Variants in NRG4 observed in about 807,000 individuals in gnomAD.
The protein encoded by NRG4 is pro-neuregulin-4, membrane-bound isoform.
NRG4 carries 10 observed loss-of-function variants against 15.0 expected under a neutral mutation model. The observed-to-expected ratio is 0.67, with a 90% CI of 0.41 to 1.13. The LOEUF (loss-of-function observed/expected upper bound fraction) is 1.13, where lower values mean the gene tolerates loss of function less well. NRG4 is among the 50% of genes most tolerant of loss of function. NRG4 has a pLI of 0.00. For synonymous variants in NRG4, 41 were observed against 50.1 expected, an observed-to-expected ratio of 0.82 and a Z score of 0.77; for missense variants, 139 against 140.2, an observed-to-expected ratio of 0.99 and a Z score of 0.04.
upstream of NRG4, among the ~76,000 whole-genome samples, chr15:76,014,090 C>A (rs1018686234): frequency 9.9e-5 from 15 of 152,094 alleles, no homozygotes; most frequent in African/African-American, 3.4e-4. Context: ...TCTCTAATGA[C>A]CAGTGATGAT....
At chr15:76,008,835 T>A (rs903066834) in intron 3 of NRG4, among the ~76,000 whole-genome samples, 6 of 152,154 alleles carry the variant, frequency 3.9e-5, no homozygotes, top group Admixed American at 3.9e-4. Flanking sequence ...ATAAAATATA[T>A]CATATTAGGT....
chr15:76,055,144 G>A (rs1021917834), intron 2 of NRG4, among the ~76,000 whole-genome samples: 1 of 152,076 alleles, frequency 6.6e-6, no homozygotes, highest in Non-Finnish European at 1.5e-5. Context: ...TTAGCAAGGC[G>A]TGGTGCTGGG....
intron 5 of NRG4, among the ~76,000 whole-genome samples, chr15:76,028,309 A>C (rs139752298): frequency 6.6e-6 from 1 of 152,262 alleles, no homozygotes; most frequent in Admixed American, 6.5e-5. Context: ...TCAGAAATGA[A>C]AAATGAGACA....
chr15:76,031,439 G>T (rs758636274), intron 5 of NRG4, among the ~76,000 whole-genome samples: 3 of 152,198 alleles, frequency 2.0e-5, no homozygotes, highest in African/African-American at 7.2e-5. Context: ...TATAATCCCA[G>T]CAGTTTGGGA....
intron 4 of NRG4, among the ~76,000 whole-genome samples, chr15:76,037,922 AC>A (rs1222845359): frequency 4.7e-5 from 5 of 107,142 alleles, no homozygotes; most frequent in African/African-American, 1.5e-4. Context: ...ACAGTCGGAT[AC>A]AATACTAGAC....
intron 5 of NRG4, among the ~76,000 whole-genome samples, chr15:76,023,683 C>T (rs889718718): frequency 1.3e-5 from 2 of 152,170 alleles, no homozygotes; most frequent in African/African-American, 4.8e-5. Flanking sequence ...GCCATTGCTC[C>T]CCTCCAGCAC....
intron 4 of NRG4, among the ~76,000 whole-genome samples, chr15:76,041,750 CT>C (rs1242664010): frequency 2.0e-5 from 3 of 152,140 alleles, no homozygotes; most frequent in Admixed American, 2.0e-4. Context: ...CAACACCCCA[CT>C]TTAAGCGTTG....
intron 5 of NRG4, among the ~76,000 whole-genome samples, chr15:76,017,607 G>A (rs994149610): frequency 1.3e-5 from 2 of 152,100 alleles, no homozygotes; most frequent in African/African-American, 4.8e-5. Context: ...TAGTTTTGCT[G>A]GATATGAAAT....
At chr15:76,048,782 T>C (rs1463945582) in intron 4 of NRG4, among the ~76,000 whole-genome samples, 1 of 150,746 alleles carries the variant, frequency 6.6e-6, no homozygotes, top group African/African-American at 2.5e-5. Flanking sequence ...TGGTGGTTCA[T>C]GCCTATAATC....
chr15:76,003,135 A>G (rs923686167), intron 3 of NRG4, among the ~76,000 whole-genome samples: 23 of 152,182 alleles, frequency 1.5e-4, no homozygotes, highest in African/African-American at 5.3e-4. Flanking sequence ...CTATAATGGA[A>G]TTAAACTTGA....
rs778129790 is a variant in NRG4, at chr15:76,050,247, A to G, written c.-105+1820T>C. ...TTCACTACTTGGAAGATCTTCTAGAAAGAGGATTCTACAATTTCCCAAAGT... is the reference window on the plus strand; with the variant it reads ...TTCACTACTTGGAAGATCTTCTAGAGAGAGGATTCTACAATTTCCCAAAGT... On this transcript the variant is annotated intron_variant, in intron 4 of 8. Coordinates refer to the NRG4 transcript ENST00000563910. Among the ~76,000 whole-genome samples the G allele has an allele frequency of 6.0e-5, 9 of 151,008 alleles. 1 individual carries two copies. The Middle Eastern group carries it at 0.02, about 342-fold the overall frequency.
chr15:76,051,657 G>A (rs2036022154), intron 4 of NRG4, among the ~76,000 whole-genome samples: 1 of 149,468 alleles, frequency 6.7e-6, no homozygotes, highest in South Asian at 2.1e-4. Context: ...TCCGCCTCCG[G>A]GGTTCATGCC....
At chr15:75,993,220 T>A (rs1383008664) in intron 3 of NRG4, among the ~76,000 whole-genome samples, 1 of 151,684 alleles carries the variant, frequency 6.6e-6, no homozygotes, top group Non-Finnish European at 1.5e-5. Flanking sequence ...TGGTGTTTGT[T>A]GAGCTTAAAC....
chr15:76,044,829 A>G (rs904757281), intron 4 of NRG4, among the ~76,000 whole-genome samples: 1 of 145,416 alleles, frequency 6.9e-6, no homozygotes, highest in Non-Finnish European at 1.5e-5. Flanking sequence ...CGACAGAGCG[A>G]GACTCTGTCT....
chr15:75,974,108 G>GTACCC (rs2033247382), intron 3 of NRG4, among the ~76,000 whole-genome samples: 1 of 152,148 alleles, frequency 6.6e-6, no homozygotes, highest in Non-Finnish European at 1.5e-5. Context: ...GGGGGTATGT[G>GTACCC]TTAAGGAATT....
intron 4 of NRG4, among the ~76,000 whole-genome samples, chr15:76,039,343 T>C (rs2035674723): frequency 6.6e-6 from 1 of 152,142 alleles, no homozygotes; most frequent in African/African-American, 2.4e-5. Context: ...ATTGCTGTTT[T>C]AAGGAAACTC....
chr15:75,989,401 C>T (rs2033923935), intron 3 of NRG4, among the ~76,000 whole-genome samples: 2 of 152,012 alleles, frequency 1.3e-5, no homozygotes, highest in Non-Finnish European at 2.9e-5. Flanking sequence ...TATGTAAGAT[C>T]CTGAGACTTT....
At chr15:76,013,901 C>T (rs527532112), upstream of NRG4, among the ~76,000 whole-genome samples, 2 of 152,124 alleles carry the variant, frequency 1.3e-5, no homozygotes, top group Non-Finnish European at 2.9e-5. Flanking sequence ...AGTTCTAGAT[C>T]CTTGGGGAAT....
At chr15:76,004,673 A>G (rs2034536128) in intron 3 of NRG4, among the ~76,000 whole-genome samples, 1 of 151,944 alleles carries the variant, frequency 6.6e-6, no homozygotes, top group Admixed American at 6.6e-5. Context: ...AATAGAAAAT[A>G]ACAAAAAAGT....
Sources: gnomAD v4.1 joint callset for allele counts (sites outside exome capture counted in the v4.1 genomes callset) on GRCh38, gnomAD v4.1.1 for gene constraint, MANE v1.5 for transcripts, NCBI Gene and HGNC (gene_info 2026-07-23, HGNC 2026-07-21) for gene names.